JPH3: variants seen among roughly 807,000 people sequenced by gnomAD.
JPH3 encodes junctophilin-3.
A neutral mutation model predicts 59.6 loss-of-function variants in JPH3; 11 were observed. The observed-to-expected ratio is 0.18, with a 90% CI of 0.12 to 0.31. JPH3 has a LOEUF of 0.31. Among genes scored for constraint, JPH3 ranks in the 10% least tolerant of loss-of-function variants. The pLI is 1.00. For missense variants in JPH3, 1,202 were observed against 1,105.7 expected (o/e 1.09, Z -1.24); for synonymous variants, 673 against 483.6 (o/e 1.39, Z -5.14).
chr16:87,691,016 G>C (rs1454647955), intron 4 of JPH3, among the ~76,000 whole-genome samples: 11 of 152,156 alleles, frequency 7.2e-5, no homozygotes, highest in Admixed American at 7.2e-4. Context: ...CACCCATGGG[G>C]GGTGTTGGGG....
chr16:87,628,628 C>T (rs1022592632), intron 1 of JPH3, among the ~76,000 whole-genome samples: 4 of 152,202 alleles, frequency 2.6e-5, no homozygotes, highest in Admixed American at 6.5e-5. Context: ...TCGGTGTTGG[C>T]ATCTGTAAAA....
intron 2 of JPH3, among the ~76,000 whole-genome samples, chr16:87,652,287 C>T (rs1316297044): frequency 6.6e-6 from 1 of 152,184 alleles, no homozygotes; most frequent in Non-Finnish European, 1.5e-5. Flanking sequence ...TTAGAAGTTG[C>T]CGCCTCAGCC....
chr16:87,630,680 A>G (rs1035135351), intron 1 of JPH3, among the ~76,000 whole-genome samples: 1 of 152,224 alleles, frequency 6.6e-6, no homozygotes, highest in African/African-American at 2.4e-5. Context: ...ATTTGGTGCT[A>G]AAAACAAAAT....
intron 1 of JPH3, among the ~76,000 whole-genome samples, chr16:87,613,135 C>T (rs1218522232): frequency 1.3e-4 from 18 of 137,314 alleles, no homozygotes; most frequent in East Asian, 6.8e-4. Context: ...CTCACTCTGT[C>T]GCCTAGGCTG....
chr16:87,674,910 G>A (rs981397268), intron 2 of JPH3, among the ~76,000 whole-genome samples: 4 of 152,008 alleles, frequency 2.6e-5, no homozygotes, highest in African/African-American at 9.7e-5. Context: ...ACAGGCGCCT[G>A]CCACCATGCC....
At chr16:87,614,101 A>G (rs1221415126) in intron 1 of JPH3, among the ~76,000 whole-genome samples, 2 of 152,246 alleles carry the variant, frequency 1.3e-5, no homozygotes, top group South Asian at 2.1e-4. Flanking sequence ...TTTCACTCCC[A>G]GCAATTTGTA....
At chr16:87,649,077 G>C (rs772343083) in intron 2 of JPH3, among the ~76,000 whole-genome samples, 1 of 152,216 alleles carries the variant, frequency 6.6e-6, no homozygotes, top group African/African-American at 2.4e-5. Context: ...ACGAGGGAGG[G>C]GTGAAGCTGG....
At chr16:87,630,108 ACTGT>A (rs374218695) in intron 1 of JPH3, among the ~76,000 whole-genome samples, 35 of 152,250 alleles carry the variant, frequency 2.3e-4, no homozygotes, top group Admixed American at 1.7e-3. Flanking sequence ...CACTCAGTTG[ACTGT>A]CTGAGTCTTG....
At chr16:87,678,050 G>A (rs763951150) in intron 2 of JPH3, among the ~76,000 whole-genome samples, 2 of 151,768 alleles carry the variant, frequency 1.3e-5, no homozygotes, top group Non-Finnish European at 2.9e-5. Context: ...CCATGAGTTC[G>A]GAATCAGCCT....
At chr16:87,602,099 G>C (rs1009882285), upstream of JPH3, 1 of 152,190 alleles carries the variant, frequency 6.6e-6, no homozygotes, top group Non-Finnish European at 1.5e-5. Context: ...GGGGCGGGCA[G>C]GGGCGAGGGT....
chr16:87,608,827 A>G (rs893169837), intron 1 of JPH3, among the ~76,000 whole-genome samples: 3 of 152,166 alleles, frequency 2.0e-5, no homozygotes, highest in Non-Finnish European at 2.9e-5. Flanking sequence ...ACTTGAGCCC[A>G]GGAGTTTGAG....
At chr16:87,604,464 C>T in intron 1 of JPH3, 2 of 1,366,672 alleles carry the variant, frequency 1.5e-6, no homozygotes, top group Non-Finnish European at 1.9e-6. Context: ...CCCAAACAAA[C>T]TGGCTTCCCC....
intron 2 of JPH3, among the ~76,000 whole-genome samples, chr16:87,681,653 C>T (rs967754114): frequency 6.6e-6 from 1 of 151,116 alleles, no homozygotes; most frequent in African/African-American, 2.4e-5. Flanking sequence ...GCCGGGAGGT[C>T]AGGTGCGCGC....
chr16:87,653,657 T>C (rs1208878597), intron 2 of JPH3: 2 of 152,108 alleles, frequency 1.3e-5, no homozygotes, highest in Non-Finnish European at 2.9e-5. Context: ...ATGAAGGAGG[T>C]AGCACAGTTC....
intron 2 of JPH3, among the ~76,000 whole-genome samples, chr16:87,671,670 A>G (rs1016259206): frequency 3.3e-5 from 5 of 149,890 alleles, no homozygotes; most frequent in Non-Finnish European, 7.4e-5. Context: ...TCAGCCCTGC[A>G]CCCGGGCTCC....
chr16:87,620,474 GAGAGAAGAGAGGGA>G lies in JPH3; in HGVS notation c.382+16947_382+16960del, dbSNP rs1174428142. 7.5e-5 allele frequency among the ~76,000 whole-genome samples: 10 copies of G among 132,468 alleles called. No homozygotes were observed. The East Asian group carries it at 2.1e-3, about 28-fold the overall frequency. 86.9% of individuals were successfully genotyped at this position (132,468 alleles called of 152,430 possible). A position where few individuals can be genotyped will look rare whatever the true frequency, so the allele number is the denominator to read the frequency against. ...AGAGAAGGAGAGAGAGGGAGAGAAGGAGAGAAGAGAGGGAGAGGGGGAGGGGAAGAAGGAGAAAA... is the reference window on the plus strand; with the variant it reads ...AGAGAAGGAGAGAGAGGGAGAGAAGGGAGGGGGAGGGGAAGAAGGAGAAAA... On this transcript the variant is annotated intron_variant, in intron 1 of 4. Coordinates refer to ENST00000284262, the MANE Select transcript of JPH3 (RefSeq NM_020655.4).
At position 87,644,217 on chromosome 16, in the gene JPH3, T is replaced by A. The variant is rs557471913; in HGVS notation, c.383-41T>A. The A allele has an allele frequency of 2.2e-5, 35 of 1,559,216 alleles. No homozygotes were observed. The African/African-American group carries it at 4.2e-4, about 19-fold the overall frequency. ...TCCGTGGCCAGGCTGTGCCCCCTCCTCTGTCGCTGGGCACTCACCCCTCTC... is the reference window on the plus strand; with the variant it reads ...TCCGTGGCCAGGCTGTGCCCCCTCCACTGTCGCTGGGCACTCACCCCTCTC... On this transcript the variant is annotated intron_variant, in intron 1 of 4. Transcript: ENST00000284262.
At chr16:87,679,894 G>C (rs973929380) in intron 2 of JPH3, among the ~76,000 whole-genome samples, 3 of 152,268 alleles carry the variant, frequency 2.0e-5, no homozygotes, top group African/African-American at 7.2e-5. Flanking sequence ...GAGGGTGCCT[G>C]TGTGGGCCAG....
In JPH3 at chr16:87,656,439, G is replaced by A. The variant is rs145032458; in HGVS notation, c.1160+11404G>A. Among the ~76,000 whole-genome samples, 582 of 152,346 alleles carry A rather than the reference G, an allele frequency of 3.8e-3. 1 individual carries two copies. The highest frequency in any genetic ancestry group is 0.01 in the African/African-American group (430 of 41,582). The stretch of plus-strand genomic sequence containing the variant: ...GGGGGCTTCAGCTTCCTGTGGGAAT[G>A]GGGAGATGAGCCACGTTCTGCCCCG... On this transcript the variant is annotated intron_variant, in intron 2 of 4. Coordinates refer to ENST00000284262, the MANE Select transcript of JPH3 (RefSeq NM_020655.4).
Sources: gnomAD v4.1 joint callset for allele counts (sites outside exome capture counted in the v4.1 genomes callset) on GRCh38, gnomAD v4.1.1 for gene constraint, MANE v1.5 for transcripts, NCBI Gene and HGNC (gene_info 2026-07-23, HGNC 2026-07-21) for gene names.